KLHL8: variants seen among roughly 807,000 people sequenced by gnomAD.
KLHL8 encodes kelch-like protein 8.
KLHL8 carries 38 observed loss-of-function variants against 63.5 expected under a neutral mutation model. That is an observed-to-expected ratio of 0.60 (90% confidence interval 0.46 to 0.78). KLHL8 has a LOEUF of 0.78. Ranked by LOEUF, KLHL8 falls within the 30% of genes least tolerant of loss-of-function variation. The pLI is 0.00. For missense variants in KLHL8, 566 were observed against 752.4 expected, an observed-to-expected ratio of 0.75 and a Z score of 2.90; for synonymous variants, 224 against 254.3, an observed-to-expected ratio of 0.88 and a Z score of 1.13.
intron 1 of KLHL8, among the ~76,000 whole-genome samples, chr4:87,212,972 C>A (rs1370024696): frequency 6.6e-6 from 1 of 152,206 alleles, no homozygotes; most frequent in Non-Finnish European, 1.5e-5. Context: ...CCTTAAATGA[C>A]ACACGCAATA....
chr4:87,226,288 C>A lies in KLHL8; in HGVS notation n.58-4898G>T, dbSNP rs528359813. Among the ~76,000 whole-genome samples, 31 of 152,024 alleles carry A rather than the reference C, an allele frequency of 2.0e-4. No individual in the cohort carries two copies. In the South Asian group the frequency reaches 4.6e-3, roughly 22 times the overall value. On this transcript the variant is annotated intron_variant and non_coding_transcript_variant, in intron 1 of 1. Transcript: ENST00000506274. ...AGATATAGCTCTATATTAGGCCAGG[C>A]GCGATGGCTCACGCCTGTAATCCCA...
rs569457939 is a variant in KLHL8 at position 87,175,465 on chromosome 4, A to G, written c.1208+1292T>C. ...CTGATTTCCCACCATGTTATGTTGT[A>G]CTCGTGGGATTGAGTTTTTAAAATA... On this transcript the variant is annotated intron_variant, in intron 6 of 9. Transcript: ENST00000273963. 1.6e-4 allele frequency among the ~76,000 whole-genome samples: 25 copies of G among 152,196 alleles called. No individual in the cohort carries two copies. The South Asian group carries it at 4.6e-3, about 28-fold the overall frequency.
chr4:87,161,170 A>G lies in KLHL8; in HGVS notation c.*2349T>C, dbSNP rs1578350349. 6.6e-6 allele frequency: 1 copy of G among 150,414 alleles called. No individual in the cohort carries two copies. Among genetic ancestry groups the G allele is most frequent in the Non-Finnish European group, 1.5e-5 (1 of 68,000 alleles). The allele number at this position is 150,414 out of a possible 1,614,324, so 9.3% of individuals were successfully genotyped here. On this transcript the variant is annotated 3_prime_UTR_variant, in exon 10 of 10. Transcript: ENST00000273963. The stretch of plus-strand genomic sequence containing the variant: ...GCAATTCTCCTGCCTCAGCCTCCTG[A>G]GTAGCTGGAATTACAGGTATGCGCC...
chr4:87,214,086 C>A (rs1732500877), intron 1 of KLHL8, among the ~76,000 whole-genome samples: 1 of 151,894 alleles, frequency 6.6e-6, no homozygotes, highest in Non-Finnish European at 1.5e-5. Context: ...AGTCCTTGGT[C>A]AGGAACACAG....
intron 1 of KLHL8, among the ~76,000 whole-genome samples, chr4:87,233,519 G>C (rs1021815544): frequency 6.6e-6 from 1 of 152,034 alleles, no homozygotes; most frequent in Non-Finnish European, 1.5e-5. Context: ...GTTGCAGTGC[G>C]CTGAGACTGT....
intron 1 of KLHL8, among the ~76,000 whole-genome samples, chr4:87,226,939 AAT>A (rs1257403846): frequency 1.1e-4 from 5 of 46,954 alleles, no homozygotes; most frequent in Non-Finnish European, 1.6e-4. Context: ...ATATATAAAT[AAT>A]ATATATTATA....
At chr4:87,189,834 C>T (rs1731410270) in intron 2 of KLHL8, among the ~76,000 whole-genome samples, 1 of 151,686 alleles carries the variant, frequency 6.6e-6, no homozygotes, top group African/African-American at 2.4e-5. Flanking sequence ...TGGAGACCAT[C>T]CTGGCTAACA....
rs1402643766 is a variant in KLHL8, at chr4:87,161,456, A to G, written c.*2063T>C. On this transcript the variant is annotated 3_prime_UTR_variant, in exon 10 of 10. Transcript: ENST00000273963. Reference sequence around the variant, plus strand: ...CGGGTAGGTAGGGTACCAACTTAGTATGTTAGATAACCATTGTATAGTAAA... The same window carrying G: ...CGGGTAGGTAGGGTACCAACTTAGTGTGTTAGATAACCATTGTATAGTAAA... 1 of 152,194 alleles carries G rather than the reference A, an allele frequency of 6.6e-6. No homozygotes were observed. Among genetic ancestry groups the G allele is most frequent in the Non-Finnish European group, 1.5e-5 (1 of 68,030 alleles). 9.4% of individuals were successfully genotyped at this position (152,194 alleles called of 1,614,324 possible). A position where few individuals can be genotyped will look rare whatever the true frequency, so the allele number is the denominator to read the frequency against.
intron 8 of KLHL8, chr4:87,167,214 AC>A: frequency 1.9e-6 from 1 of 527,542 alleles, no homozygotes. Flanking sequence ...CTTCACCTGG[AC>A]CCAGATGTGT....
intron 1 of KLHL8, among the ~76,000 whole-genome samples, chr4:87,214,427 T>TAG (rs1465275434): frequency 2.2e-5 from 1 of 44,706 alleles, no homozygotes; most frequent in Non-Finnish European, 3.7e-5. Flanking sequence ...TATATATATA[T>TAG]ATATATATAT....
At chr4:87,178,386 C>T in intron 5 of KLHL8, 91 bp downstream of exon 5, 2 of 1,295,692 alleles carry the variant, frequency 1.5e-6, no homozygotes, top group Non-Finnish European at 2.1e-6. Context: ...ACAATTTAGT[C>T]ATTTTCTTAT....
At chr4:87,207,361 G>GTGCCCC in intron 1 of KLHL8, 1 of 652,044 alleles carries the variant, frequency 1.5e-6, no homozygotes, top group Non-Finnish European at 2.8e-6. Context: ...TGCTGACGCT[G>GTGCCCC]AGTACGTTGT....
intron 1 of KLHL8, among the ~76,000 whole-genome samples, chr4:87,228,913 T>C (rs1358195591): frequency 6.6e-6 from 1 of 152,258 alleles, no homozygotes; most frequent in Non-Finnish European, 1.5e-5. Flanking sequence ...GTACCCATAA[T>C]CTTTGCACAG....
intron 2 of KLHL8, among the ~76,000 whole-genome samples, chr4:87,193,651 C>T (rs1001014426): frequency 3.3e-5 from 5 of 152,034 alleles, no homozygotes; most frequent in African/African-American, 1.2e-4. Context: ...AGGTATTAGG[C>T]ACTATATATA....
In KLHL8 at chr4:87,165,005, T is replaced by A. The variant is rs529029000; in HGVS notation, c.1538-926A>T. Among the ~76,000 whole-genome samples, 73 of 151,736 alleles carry A rather than the reference T, an allele frequency of 4.8e-4. 1 individual carries two copies. Among genetic ancestry groups the A allele is most frequent in the African/African-American group, 1.5e-3 (61 of 41,380 alleles). ...CTACTAAAAATACAAAAAAATTAGC[T>A]GGGCATGGTGGCGGGCGCCTGTAGT... On this transcript the variant is annotated intron_variant, in intron 8 of 9. Transcript: ENST00000273963.
In KLHL8 at chr4:87,160,680, G is replaced by A. The variant is rs562295855; in HGVS notation, c.*2839C>T. 6.6e-6 allele frequency: 1 copy of A among 152,260 alleles called. No individual in the cohort carries two copies. The highest frequency in any genetic ancestry group is 1.5e-5 in the Non-Finnish European group (1 of 68,008). The allele number at this position is 152,260 out of a possible 1,614,324, so 9.4% of individuals were successfully genotyped here. A position where few individuals can be genotyped will look rare whatever the true frequency, so the allele number is the denominator to read the frequency against. ...TGTCAAGTAACTTGTTTTTAAAGTGGCAACGCAATATAGTAAAGCAATGGC... is the reference window on the plus strand; with the variant it reads ...TGTCAAGTAACTTGTTTTTAAAGTGACAACGCAATATAGTAAAGCAATGGC... On this transcript the variant is annotated 3_prime_UTR_variant, in exon 10 of 10. Transcript: ENST00000273963.
upstream of KLHL8, among the ~76,000 whole-genome samples, chr4:87,222,606 G>A (rs185244369): frequency 2.1e-3 from 324 of 151,728 alleles, 1 homozygote; most frequent in African/African-American, 7.2e-3. Context: ...TTTTTGAGAC[G>A]GAGTTTTGCT....
chr4:87,183,467 T>C, intron 3 of KLHL8, 78 bp from the exon 4 acceptor site: 1 of 1,175,304 alleles, frequency 8.5e-7, no homozygotes, highest in African/African-American at 1.6e-5. Context: ...TTGTATCAAA[T>C]AAAGGTGAAA....
At chr4:87,177,836 G>C (rs1247929904) in intron 5 of KLHL8, among the ~76,000 whole-genome samples, 1 of 151,798 alleles carries the variant, frequency 6.6e-6, no homozygotes, top group Non-Finnish European at 1.5e-5. Flanking sequence ...TGAACTCCCA[G>C]GCTCAAATGA....
Sources: gnomAD v4.1 joint callset for allele counts (sites outside exome capture counted in the v4.1 genomes callset) on GRCh38, gnomAD v4.1.1 for gene constraint, MANE v1.5 for transcripts, NCBI Gene and HGNC (gene_info 2026-07-23, HGNC 2026-07-21) for gene names.